The following EPC1 variants were observed in gnomAD, a reference collection of about 807,000 sequenced individuals.
EPC1 encodes enhancer of polycomb homolog 1.
In EPC1, 12 loss-of-function variants were observed where a neutral mutation model predicts 98.4. That is an observed-to-expected ratio of 0.12 (90% CI 0.08 to 0.20). EPC1 has a LOEUF of 0.20. Among genes scored for constraint, EPC1 ranks in the 10% least tolerant of loss-of-function variants. The probability of loss-of-function intolerance (pLI) is 1.00; values close to 1 mark genes in which losing one functional copy is unlikely to be tolerated. For synonymous variants in EPC1, 357 were observed against 363.9 expected (o/e 0.98, Z 0.21); for missense variants, 729 against 990.5 (o/e 0.74, Z 3.54).
intron 1 of EPC1, among the ~76,000 whole-genome samples, chr10:32,376,192 G>A (rs906221809): frequency 6.6e-6 from 1 of 151,958 alleles, no homozygotes; most frequent in Non-Finnish European, 1.5e-5. Context: ...CATAATCAAT[G>A]ATGTAATAGT....
At chr10:32,297,362 AC>A (rs34358299) in intron 2 of EPC1, among the ~76,000 whole-genome samples, 6 of 150,498 alleles carry the variant, frequency 4.0e-5, no homozygotes, top group African/African-American at 1.2e-4. Context: ...GCTCACTGCA[AC>A]CTCCGCCTCT....
rs1467618713 is a variant in EPC1, at chr10:32,347,016, G to A, written c.-101C>T. ...GTCCCCACTCGCCAACCGCTGCCGG[G>A]GACTTGAGGGGCGGAGCGCAGAGCC... On this transcript the variant is annotated 5_prime_UTR_variant, in exon 1 of 14. Coordinates refer to ENST00000319778, the MANE Select transcript of EPC1 (RefSeq NM_001272004.3). 3 of 1,517,024 alleles carry A rather than the reference G, an allele frequency of 2.0e-6. No individual in the cohort carries two copies. Among genetic ancestry groups the A allele is most frequent in the African/African-American group, 2.8e-5 (2 of 72,604 alleles). The allele number at this position is 1,517,024 out of a possible 1,614,324, so 94.0% of individuals were successfully genotyped here. A position where few individuals can be genotyped will look rare whatever the true frequency, so the allele number is the denominator to read the frequency against.
chr10:32,293,643 T>G lies in EPC1; in HGVS notation c.408A>C (p.Pro136=). Reference sequence around the variant, plus strand: ...GGTCAATCATCTCCTCAAATTGCAATGGGCAGATGTCCATTTTCTTTTTCA... The same window carrying G: ...GGTCAATCATCTCCTCAAATTGCAAGGGGCAGATGTCCATTTTCTTTTTCA... The part of the protein sequence containing the change: ...NKLKKKMDIC[P]LQFEEMIDRL... Residue 136 remains proline (P), a synonymous_variant, in exon 3 of 14, where the codon CCA becomes CCC. Transcript: ENST00000319778. 3 of 1,613,754 alleles carry G rather than the reference T, an allele frequency of 1.9e-6. No homozygotes were observed. Among genetic ancestry groups the G allele is most frequent in the Non-Finnish European group, 2.5e-6 (3 of 1,179,820 alleles).
At position 32,337,325 on chromosome 10, in the gene EPC1, A is replaced by G. The variant is rs148423953; in HGVS notation, c.153+9438T>C. ...GAATGTGTAGCACAGTCTCAGCCCT[A>G]TGAGCTTCCCAAACTGTTCTTTCTT... On this transcript the variant is annotated intron_variant, in intron 1 of 13. Transcript: ENST00000319778. 7.1e-4 allele frequency among the ~76,000 whole-genome samples: 108 copies of G among 152,340 alleles called. No individual in the cohort carries two copies. The Middle Eastern group carries it at 0.01, about 14-fold the overall frequency.
chr10:32,374,083 C>A (rs1211115687), intron 1 of EPC1, among the ~76,000 whole-genome samples: 1 of 152,150 alleles, frequency 6.6e-6, no homozygotes, highest in Non-Finnish European at 1.5e-5. Flanking sequence ...ATAGAAATAA[C>A]ATCAGTCTTA....
chr10:32,319,764 C>T (rs1011594339), intron 1 of EPC1, among the ~76,000 whole-genome samples: 9 of 152,164 alleles, frequency 5.9e-5, no homozygotes, highest in African/African-American at 2.2e-4. Context: ...GCAACCCCCA[C>T]CTCCTGGGTT....
intron 1 of EPC1, among the ~76,000 whole-genome samples, chr10:32,354,173 G>T (rs1839203995): frequency 6.6e-6 from 1 of 152,012 alleles, no homozygotes. Context: ...AGAGAATAAA[G>T]GGCAAATTAT....
intron 2 of EPC1, 43 bp downstream of exon 2, chr10:32,305,729 G>A: frequency 1.3e-6 from 2 of 1,486,288 alleles, no homozygotes; most frequent in Non-Finnish European, 1.8e-6. Flanking sequence ...TACATAATAA[G>A]AGAAATATAG....
intron 10 of EPC1, among the ~76,000 whole-genome samples, chr10:32,277,791 A>G (rs1417835733): frequency 6.6e-6 from 1 of 151,570 alleles, no homozygotes; most frequent in African/African-American, 2.4e-5. Context: ...CTGGTCTTGA[A>G]CTCCTTAGGC....
intron 2 of EPC1, among the ~76,000 whole-genome samples, chr10:32,301,282 A>G (rs143985229): frequency 0.024 from 3,719 of 152,300 alleles, 57 homozygotes; most frequent in Admixed American, 0.037. Flanking sequence ...GAGATAAAAA[A>G]AGACCTGAAT....
intron 1 of EPC1, among the ~76,000 whole-genome samples, chr10:32,322,377 A>T (rs73247721): frequency 0.05 from 7,639 of 152,210 alleles, 609 homozygotes; most frequent in African/African-American, 0.17. Flanking sequence ...ACTTATAAGG[A>T]ATCAGCTTAG....
intron 1 of EPC1, among the ~76,000 whole-genome samples, chr10:32,358,589 G>A (rs1354367717): frequency 1.3e-5 from 2 of 149,040 alleles, no homozygotes; most frequent in Non-Finnish European, 3.0e-5. Flanking sequence ...AGGCTGTAGT[G>A]GACTGTGATC....
In EPC1 at chr10:32,284,949, G is replaced by T; in HGVS notation, c.1493C>A (p.Ala498Asp). Reference sequence around the variant, plus strand: ...CGAGGTATTTGTTTCTGAGGTATTGGCAAACTGATTGACTGGAGAATGTTG... The same window carrying T: ...CGAGGTATTTGTTTCTGAGGTATTGTCAAACTGATTGACTGGAGAATGTTG... ...SPQHSPVNQFANTSETNTSDK... is the reference protein window; with the variant it reads ...SPQHSPVNQFDNTSETNTSDK... The change falls in exon 10 of 14, where the codon GCC becomes GAC. Residue 498 changes from alanine to aspartate, a missense_variant. By Grantham distance (126) the Ala-to-Asp change is moderately radical (BLOSUM62 -2). This residue lies in a region of EPC1 where 390 missense variants were observed against 438.6 expected (regional missense o/e 0.89). Coordinates refer to ENST00000319778, the MANE Select transcript of EPC1 (RefSeq NM_001272004.3). 6.2e-7 allele frequency: 1 copy of T among 1,614,156 alleles called. No homozygotes were observed. The highest frequency in any genetic ancestry group is 8.5e-7 in the Non-Finnish European group (1 of 1,180,024).
chr10:32,269,414 G>C, intron 13 of EPC1: 1 of 296,322 alleles, frequency 3.4e-6, no homozygotes, highest in Admixed American at 4.8e-5. Flanking sequence ...CCATGTTTTA[G>C]TAATTGTTGT....
intron 1 of EPC1, among the ~76,000 whole-genome samples, chr10:32,352,755 A>G (rs1839151468): frequency 6.6e-6 from 1 of 152,184 alleles, no homozygotes; most frequent in South Asian, 2.1e-4. Context: ...TAAATGCATT[A>G]TCTCAATTTT....
intron 1 of EPC1, among the ~76,000 whole-genome samples, chr10:32,339,534 ACT>A (rs1016504368): frequency 1.3e-5 from 2 of 152,046 alleles, no homozygotes; most frequent in Non-Finnish European, 2.9e-5. Context: ...GACAGAGTGA[ACT>A]CTCTCTCAAT....
At chr10:32,319,344 A>G (rs897722583) in intron 1 of EPC1, among the ~76,000 whole-genome samples, 1 of 152,218 alleles carries the variant, frequency 6.6e-6, no homozygotes, top group Non-Finnish European at 1.5e-5. Flanking sequence ...GTGGCAGAAG[A>G]TAAGAAAGTA....
At position 32,271,888 on chromosome 10, in the gene EPC1, T is replaced by G; in HGVS notation, c.2035A>C (p.Thr679Pro). 1 of 1,614,000 alleles carries G rather than the reference T, an allele frequency of 6.2e-7. No individual in the cohort carries two copies. Among genetic ancestry groups the G allele is most frequent in the East Asian group, 2.2e-5 (1 of 44,876 alleles). Residue 679 changes from threonine (T) to proline (P), a missense_variant, in exon 13 of 14, where the codon ACT becomes CCT. Physicochemically the swap from Thr to Pro is conservative, Grantham distance 38. Around this residue, in one of 6 missense-constraint regions of EPC1, gnomAD observed 156 missense variants for 188.9 expected, o/e 0.83. Coordinates refer to ENST00000319778, the MANE Select transcript of EPC1 (RefSeq NM_001272004.3). ...GVYKGLHLSS[T>P]TPTALVHTSP... is the part of the protein sequence containing the mutation. ...GTATGTACAAGTGCTGTTGGTGTAGTACTACTGAGGTGTAAGCCCTTGTAT... is the reference window on the plus strand; with the variant it reads ...GTATGTACAAGTGCTGTTGGTGTAGGACTACTGAGGTGTAAGCCCTTGTAT...
At chr10:32,281,072 T>G (rs1163302216) in intron 10 of EPC1, among the ~76,000 whole-genome samples, 1 of 152,138 alleles carries the variant, frequency 6.6e-6, no homozygotes, top group Non-Finnish European at 1.5e-5. Flanking sequence ...TCTTGCCCTG[T>G]CACCCAGGCT....
Sources: gnomAD v4.1 joint callset for allele counts (sites outside exome capture counted in the v4.1 genomes callset) on GRCh38, gnomAD v4.1.1 for gene constraint, gnomAD v4.1.1 regional missense constraint, MANE v1.5 for transcripts, NCBI Gene and HGNC (gene_info 2026-07-23, HGNC 2026-07-21) for gene names.